Variants in RYR2 observed in about 807,000 individuals in gnomAD.
The protein encoded by RYR2 is cardiac muscle ryanodine receptor-calcium release channel.
A neutral mutation model predicts 601.1 loss-of-function variants in RYR2; 227 were observed. That is an observed-to-expected ratio of 0.38 (90% CI 0.34 to 0.42). RYR2 has a LOEUF of 0.42. RYR2 is among the 10% of genes least tolerant of loss of function. The probability of loss-of-function intolerance (pLI) is 1.00; values close to 1 mark genes in which losing one functional copy is unlikely to be tolerated. For synonymous variants in RYR2, 2,223 were observed against 2,175.1 expected (o/e 1.02, Z -0.61); for missense variants, 4,646 against 6,156.5 (o/e 0.75, Z 8.21).
At chr1:237,753,371 CAA>C (rs1692690965) in intron 80 of RYR2, among the ~76,000 whole-genome samples, 1 of 152,066 alleles carries the variant, frequency 6.6e-6, no homozygotes, top group African/African-American at 2.4e-5. Flanking sequence ...CTTGTTTCCC[CAA>C]GTGTTAAAAG....
chr1:237,181,878 G>A (rs147942451), intron 1 of RYR2, among the ~76,000 whole-genome samples: 2 of 152,214 alleles, frequency 1.3e-5, no homozygotes, highest in African/African-American at 4.8e-5. Context: ...GTTCCGTGAT[G>A]GTTAATCCAG....
rs11807708 is a variant in RYR2 at position 237,130,071 on chromosome 1, A to C, written c.48+87502A>C. On this transcript the variant is annotated intron_variant, in intron 1 of 104. Coordinates refer to ENST00000366574, the MANE Select transcript of RYR2 (RefSeq NM_001035.3). Reference sequence around the variant, plus strand: ...GGTGACTATAGTTAATGTATGCTTGAGAATTGCTAAGAGAGTAGATCTTAA... The same window carrying C: ...GGTGACTATAGTTAATGTATGCTTGCGAATTGCTAAGAGAGTAGATCTTAA... 4.2e-3 allele frequency among the ~76,000 whole-genome samples: 640 copies of C among 152,192 alleles called. 8 individuals carry two copies. The highest frequency in any genetic ancestry group is 0.014 in the African/African-American group (575 of 41,442).
chr1:237,053,419 C>T (rs1248564306), intron 1 of RYR2, among the ~76,000 whole-genome samples: 1 of 152,156 alleles, frequency 6.6e-6, no homozygotes, highest in African/African-American at 2.4e-5. Flanking sequence ...GCCATCATCT[C>T]CTGAAGATGG....
intron 1 of RYR2, among the ~76,000 whole-genome samples, chr1:237,051,223 CCT>C (rs137929376): frequency 0.012 from 1,330 of 107,674 alleles, 36 homozygotes; most frequent in African/African-American, 0.047. Flanking sequence ...CTCTCCCCCC[CCT>C]TCCTCCCCTT....
chr1:237,565,191 CTTTCTTTCTTTCTT>C (rs1671911247), intron 27 of RYR2, among the ~76,000 whole-genome samples: 1 of 73,792 alleles, frequency 1.4e-5, no homozygotes, highest in Admixed American at 1.4e-4. Context: ...TTCTTTCTTT[CTTTCTTTCTTTCTT>C]TCTTTCTTTC....
intron 56 of RYR2, among the ~76,000 whole-genome samples, chr1:237,665,139 A>G (rs1759126): frequency 0.9 from 136,810 of 152,090 alleles, 62,060 homozygotes; most frequent in Non-Finnish European, 0.96. Context: ...GGTGGCTCAC[A>G]CCTGTAATCC....
rs1284638701 is a variant in RYR2, at chr1:237,220,508, C to T, written c.49-49989C>T. On this transcript the variant is annotated intron_variant, in intron 1 of 104. Coordinates refer to ENST00000366574, the MANE Select transcript of RYR2 (RefSeq NM_001035.3). Reference sequence around the variant, plus strand: ...ATTCTCTAGCTTGCAGTCAGCCTGTCGTAGGACTTCTCTGCTTCTGTGGTC... The same window carrying T: ...ATTCTCTAGCTTGCAGTCAGCCTGTTGTAGGACTTCTCTGCTTCTGTGGTC... Among the ~76,000 whole-genome samples, 5 of 152,178 alleles carry T rather than the reference C, an allele frequency of 3.3e-5. 1 individual carries two copies. Among genetic ancestry groups the T allele is most frequent in the Non-Finnish European group, 7.4e-5 (5 of 68,022 alleles).
chr1:237,094,461 T>A (rs6428993), intron 1 of RYR2, among the ~76,000 whole-genome samples: 70,126 of 151,522 alleles, frequency 0.46, 16,427 homozygotes, highest in South Asian at 0.61. Context: ...TGTTTCTCCA[T>A]GCAATCTTTG....
intron 18 of RYR2, 24 bp from the exon 19 acceptor site, chr1:237,492,930 G>A (rs1385514288): frequency 2.2e-5 from 34 of 1,551,598 alleles, no homozygotes; most frequent in Non-Finnish European, 3.0e-5. Context: ...GGGAGGATCA[G>A]CTGAAAGTAA....
intron 23 of RYR2, among the ~76,000 whole-genome samples, chr1:237,510,505 C>T (rs565742041): frequency 2.1e-5 from 3 of 143,622 alleles, no homozygotes; most frequent in Non-Finnish European, 4.5e-5. Flanking sequence ...TTTCAAAGTT[C>T]TGCAATCAAA....
At chr1:237,762,727 T>C (rs1480406903) in intron 84 of RYR2, among the ~76,000 whole-genome samples, 1 of 152,226 alleles carries the variant, frequency 6.6e-6, no homozygotes, top group Non-Finnish European at 1.5e-5. Flanking sequence ...TGATTTAACT[T>C]GTGCATTCTT....
At chr1:237,707,862 C>G (rs1688507829) in intron 68 of RYR2, among the ~76,000 whole-genome samples, 1 of 152,024 alleles carries the variant, frequency 6.6e-6, no homozygotes, top group South Asian at 2.1e-4. Flanking sequence ...ACCTCCGCCT[C>G]CCGGGTTCAA....
chr1:237,111,310 T>C (rs1488581225), intron 1 of RYR2, among the ~76,000 whole-genome samples: 1 of 152,196 alleles, frequency 6.6e-6, no homozygotes, highest in African/African-American at 2.4e-5. Context: ...ATTCATTCCT[T>C]TCCCCTCCCT....
intron 100 of RYR2, among the ~76,000 whole-genome samples, chr1:237,814,217 C>A (rs1023243123): frequency 2.6e-5 from 4 of 152,172 alleles, no homozygotes; most frequent in African/African-American, 7.2e-5. Flanking sequence ...AAAGTACAGG[C>A]TTATTAAAAC....
At position 237,189,228 on chromosome 1, in the gene RYR2, T is replaced by C. The variant is rs996473960; in HGVS notation, c.49-81269T>C. 2.6e-5 allele frequency among the ~76,000 whole-genome samples: 4 copies of C among 152,334 alleles called. No individual in the cohort carries two copies. The South Asian group carries it at 8.3e-4, about 32-fold the overall frequency. On this transcript the variant is annotated intron_variant, in intron 1 of 104. Coordinates refer to ENST00000366574, the MANE Select transcript of RYR2 (RefSeq NM_001035.3). ...GGTGTGGCATGCCATAGAATTTCCT[T>C]CTTTTAAGGCTTCATAATGTCACGT...
chr1:237,250,813 C>G (rs765294418), intron 1 of RYR2, among the ~76,000 whole-genome samples: 4 of 152,182 alleles, frequency 2.6e-5, no homozygotes, highest in African/African-American at 4.8e-5. Flanking sequence ...TTTCCATCAG[C>G]ATGTAAACAT....
At chr1:237,130,240 TA>T (rs1672014838) in intron 1 of RYR2, among the ~76,000 whole-genome samples, 1 of 152,162 alleles carries the variant, frequency 6.6e-6, no homozygotes, top group South Asian at 2.1e-4. Context: ...ATTATACCTT[TA>T]TAAAACTGGG....
At chr1:237,094,321 T>G (rs1006097885) in intron 1 of RYR2, among the ~76,000 whole-genome samples, 2 of 152,196 alleles carry the variant, frequency 1.3e-5, no homozygotes, top group Admixed American at 6.5e-5. Flanking sequence ...AACTTCCTCT[T>G]TCTGTAGGAT....
intron 14 of RYR2, among the ~76,000 whole-genome samples, chr1:237,445,854 T>G (rs1708289745): frequency 6.6e-6 from 1 of 152,312 alleles, no homozygotes; most frequent in East Asian, 1.9e-4. Flanking sequence ...TCTCACACTG[T>G]CATCCAGGCT....
Sources: gnomAD v4.1 joint callset for allele counts (sites outside exome capture counted in the v4.1 genomes callset) on GRCh38, gnomAD v4.1.1 for gene constraint, MANE v1.5 for transcripts, NCBI Gene and HGNC (gene_info 2026-07-23, HGNC 2026-07-21) for gene names.